ABAT: variants seen among roughly 807,000 people sequenced by gnomAD.
ABAT encodes 4-aminobutyrate aminotransferase, mitochondrial.
A neutral mutation model predicts 64.6 loss-of-function variants in ABAT; 45 were observed. The ratio of observed to expected loss-of-function variants is 0.70; its 90% CI spans 0.55 to 0.89. The LOEUF (loss-of-function observed/expected upper bound fraction) is 0.89, where lower values mean the gene tolerates loss of function less well. ABAT is among the 40% of genes least tolerant of loss of function. ABAT has a pLI of 0.00. For synonymous variants in ABAT, 297 were observed against 250.5 expected, an observed-to-expected ratio of 1.19 and a Z score of -1.75; for missense variants, 633 against 658.4, an observed-to-expected ratio of 0.96 and a Z score of 0.42.
intron 4 of ABAT, 36 bp from the exon 5 acceptor site, chr16:8,750,386 G>A: frequency 1.3e-6 from 2 of 1,532,608 alleles, no homozygotes; most frequent in South Asian, 1.1e-5. Context: ...TCTAGGGAGT[G>A]GCAGTGAGCC....
chr16:8,696,160 A>G (rs569078799), intron 1 of ABAT, among the ~76,000 whole-genome samples: 149 of 152,282 alleles, frequency 9.8e-4, no homozygotes, highest in Non-Finnish European at 1.7e-3. Flanking sequence ...CCATGACCCT[A>G]ACACCTGGGC....
chr16:8,764,008 T>G lies in ABAT; in HGVS notation c.367-61T>G. 1 of 1,414,558 alleles carries G rather than the reference T, an allele frequency of 7.1e-7. No homozygotes were observed. Among genetic ancestry groups the G allele is most frequent in the Non-Finnish European group, 1.0e-6 (1 of 998,294 alleles). The allele number at this position is 1,414,558 out of a possible 1,614,324, so 87.6% of individuals were successfully genotyped here. ...CACAGGGGCTATGAAAAGCACCATT[T>G]GTGGGCAGGGAGCTGGGTCAGGCCC... On this transcript the variant is annotated intron_variant, in intron 6 of 15. Transcript: ENST00000268251. This position sits in a 1 kb window ranked among gnomAD's most constrained non-coding sequence, Gnocchi z 4.2.
chr16:8,683,714 G>C (rs2057386883), intron 1 of ABAT, among the ~76,000 whole-genome samples: 1 of 152,144 alleles, frequency 6.6e-6, no homozygotes, highest in Non-Finnish European at 1.5e-5. Context: ...AAGAACTTAA[G>C]TTGTATTCTT....
intron 1 of ABAT, among the ~76,000 whole-genome samples, chr16:8,680,171 C>G (rs183382912): frequency 5.3e-5 from 8 of 152,224 alleles, no homozygotes; most frequent in Admixed American, 1.3e-4. Context: ...TCTGCCACAT[C>G]CTATTCTTCC....
intron 1 of ABAT, among the ~76,000 whole-genome samples, chr16:8,691,504 A>G (rs1198167863): frequency 1.3e-5 from 2 of 152,040 alleles, no homozygotes; most frequent in African/African-American, 4.8e-5. Flanking sequence ...CAGTGGCACA[A>G]TTTTGGCTCA....
chr16:8,719,378 T>C (rs2058300590), intron 1 of ABAT, among the ~76,000 whole-genome samples: 1 of 152,186 alleles, frequency 6.6e-6, no homozygotes, highest in Non-Finnish European at 1.5e-5. Context: ...TCCATATTAT[T>C]TCCTACCTCC....
At chr16:8,722,727 C>G in intron 1 of ABAT, 1 of 1,002,738 alleles carries the variant, frequency 1.0e-6, no homozygotes, top group South Asian at 1.4e-5. Flanking sequence ...GAAAGCACCT[C>G]CCTTCTAACC....
intron 4 of ABAT, 35 bp from the exon 5 acceptor site, chr16:8,750,387 G>C: frequency 6.5e-7 from 1 of 1,538,896 alleles, no homozygotes; most frequent in Non-Finnish European, 9.0e-7. Context: ...CTAGGGAGTG[G>C]CAGTGAGCCT....
At chr16:8,685,814 A>T (rs1468695663) in intron 1 of ABAT, among the ~76,000 whole-genome samples, 2 of 152,226 alleles carry the variant, frequency 1.3e-5, no homozygotes, top group Non-Finnish European at 2.9e-5. Context: ...ATGTCCCGCC[A>T]GGTGACCCAT....
chr16:8,764,346 TG>T lies in ABAT; in HGVS notation c.447+201del, dbSNP rs1182993966. The stretch of plus-strand genomic sequence containing the variant: ...TCTTTGTGTGCAGGACAAAAGGAGC[TG>T]GGGAAATGAATATGTGTCGCATGAT... On this transcript the variant is annotated intron_variant, in intron 7 of 15. Transcript: ENST00000268251. The surrounding 1 kb of genome is among the most constrained non-coding windows in gnomAD (Gnocchi z 4.2). Among the ~76,000 whole-genome samples, 1 of 152,162 alleles carries T rather than the reference TG, an allele frequency of 6.6e-6. No individual in the cohort carries two copies. The highest frequency in any genetic ancestry group is 6.5e-5 in the Admixed American group (1 of 15,272).
rs985907859 is a variant in ABAT at position 8,776,816 on chromosome 16, C to T, written c.1269+326C>T. Among the ~76,000 whole-genome samples, 6 of 152,136 alleles carry T rather than the reference C, an allele frequency of 3.9e-5. No individual in the cohort carries two copies. Among genetic ancestry groups the T allele is most frequent in the African/African-American group, 1.4e-4 (6 of 41,438 alleles). On this transcript the variant is annotated intron_variant, in intron 14 of 15. Coordinates refer to ENST00000268251, the MANE Select transcript of ABAT (RefSeq NM_020686.6). The surrounding 1 kb of genome is among the most constrained non-coding windows in gnomAD (Gnocchi z 4.4). ...CCGGCCTTGAACTCCTGGCCTCAAACGATCCTTCCACCTCAGCCTCCCAAA... is the reference window on the plus strand; with the variant it reads ...CCGGCCTTGAACTCCTGGCCTCAAATGATCCTTCCACCTCAGCCTCCCAAA...
intron 14 of ABAT, among the ~76,000 whole-genome samples, chr16:8,777,776 G>A (rs1000975748): frequency 2.6e-5 from 4 of 152,174 alleles, no homozygotes; most frequent in Non-Finnish European, 4.4e-5. Flanking sequence ...TTCCTTATCT[G>A]TGTAGACCAA....
At chr16:8,731,787 A>G (rs2058727136) in intron 1 of ABAT, among the ~76,000 whole-genome samples, 1 of 152,100 alleles carries the variant, frequency 6.6e-6, no homozygotes, top group African/African-American at 2.4e-5. Flanking sequence ...AACTCCAAAC[A>G]CACTAAACAA....
chr16:8,743,441 A>ATATATATATG (rs1158084095), intron 2 of ABAT, among the ~76,000 whole-genome samples: 7 of 89,018 alleles, frequency 7.9e-5, no homozygotes, highest in African/African-American at 2.3e-4. Context: ...ATATATATAT[A>ATATATATATG]TATACACACA....
chr16:8,778,681 AGC>A (rs2060339017), intron 14 of ABAT, among the ~76,000 whole-genome samples: 3 of 151,992 alleles, frequency 2.0e-5, no homozygotes, highest in African/African-American at 4.8e-5. Context: ...AGGAGGCTGA[AGC>A]ACAAGAATCT....
chr16:8,751,207 C>A (rs2059471465), intron 5 of ABAT, among the ~76,000 whole-genome samples: 1 of 152,094 alleles, frequency 6.6e-6, no homozygotes, highest in Non-Finnish European at 1.5e-5. Flanking sequence ...CCTCAGCCTC[C>A]CACAGTGCTG....
chr16:8,779,664 G>A, intron 15 of ABAT, 74 bp downstream of exon 15: 2 of 1,240,066 alleles, frequency 1.6e-6, no homozygotes, highest in South Asian at 1.2e-5. Context: ...CATGTTGCTA[G>A]GTACTCAGCA....
chr16:8,720,356 C>T (rs965272811), intron 1 of ABAT, among the ~76,000 whole-genome samples: 37 of 152,244 alleles, frequency 2.4e-4, no homozygotes, highest in African/African-American at 8.0e-4. Context: ...GCTCTTGTTA[C>T]TTTCCCCACA....
intron 2 of ABAT, among the ~76,000 whole-genome samples, chr16:8,743,034 G>A (rs994030754): frequency 2.2e-5 from 3 of 134,324 alleles, no homozygotes; most frequent in Admixed American, 7.9e-5. Context: ...AAAAGTCATC[G>A]ATATGTTCTA....
Sources: allele counts gnomAD v4.1 joint callset (sites outside exome capture counted in the v4.1 genomes callset), GRCh38; gene constraint gnomAD v4.1.1; non-coding constraint Gnocchi (gnomAD v3.1); transcripts MANE v1.5; gene names NCBI Gene and HGNC (gene_info 2026-07-23, HGNC 2026-07-21).